CAMK1D: variants seen among roughly 807,000 people sequenced by gnomAD.
The protein encoded by CAMK1D is calcium/calmodulin-dependent protein kinase type 1D.
In CAMK1D, 9 loss-of-function variants were observed where a neutral mutation model predicts 47.7. That is an observed-to-expected ratio of 0.19 (90% CI 0.11 to 0.33). The LOEUF (loss-of-function observed/expected upper bound fraction) is 0.33, where lower values mean the gene tolerates loss of function less well. Among genes scored for constraint, CAMK1D ranks in the 10% least tolerant of loss-of-function variants. The pLI, the probability that CAMK1D is intolerant of heterozygous loss-of-function variation, is 1.00. For synonymous variants in CAMK1D, 184 were observed against 184.9 expected (o/e 0.99, Z 0.04); for missense variants, 291 against 488.7 (o/e 0.60, Z 3.81).
intron 3 of CAMK1D, among the ~76,000 whole-genome samples, chr10:12,685,375 A>G (rs756983553): frequency 6.6e-6 from 1 of 152,230 alleles, no homozygotes; most frequent in Non-Finnish European, 1.5e-5. Flanking sequence ...TTAGTTGTAG[A>G]TAAGTGTTAG....
intron 1 of CAMK1D, among the ~76,000 whole-genome samples, chr10:12,529,516 T>C (rs1304863169): frequency 6.6e-6 from 1 of 152,206 alleles, no homozygotes; most frequent in Non-Finnish European, 1.5e-5. Context: ...ACCCTCCTTA[T>C]GAATCTGTAT....
chr10:12,560,445 CG>C (rs1285566113), intron 2 of CAMK1D, among the ~76,000 whole-genome samples: 3 of 150,996 alleles, frequency 2.0e-5, no homozygotes, highest in African/African-American at 4.9e-5. Context: ...CTCAGCTACT[CG>C]GGAGCCTGAG....
chr10:12,367,343 T>G (rs1837866995), intron 1 of CAMK1D, among the ~76,000 whole-genome samples: 1 of 152,114 alleles, frequency 6.6e-6, no homozygotes, highest in African/African-American at 2.4e-5. Context: ...GTCCTCAATC[T>G]TTTTGGCACC....
At chr10:12,636,530 G>A (rs1839515996) in intron 2 of CAMK1D, among the ~76,000 whole-genome samples, 1 of 152,118 alleles carries the variant, frequency 6.6e-6, no homozygotes, top group Admixed American at 6.5e-5. Context: ...GTCTCACTCT[G>A]TTGCCCAGGC....
At chr10:12,390,542 A>T in intron 1 of CAMK1D, among the ~76,000 whole-genome samples, 1 of 152,180 alleles carries the variant, frequency 6.6e-6, no homozygotes, top group East Asian at 1.9e-4. Context: ...GTTAAGCCCC[A>T]TTATTCAAGA....
At chr10:12,407,402 T>C (rs1839476531) in intron 1 of CAMK1D, among the ~76,000 whole-genome samples, 2 of 152,246 alleles carry the variant, frequency 1.3e-5, no homozygotes, top group East Asian at 3.8e-4. Flanking sequence ...TACCTCAAGC[T>C]AGAAGTTTCC....
At chr10:12,515,063 A>T (rs930824594) in intron 1 of CAMK1D, among the ~76,000 whole-genome samples, 1 of 151,276 alleles carries the variant, frequency 6.6e-6, no homozygotes, top group East Asian at 1.9e-4. Context: ...GGGTTTCGCC[A>T]TGTTGGCCAG....
At chr10:12,686,257 C>A (rs531661285) in intron 3 of CAMK1D, among the ~76,000 whole-genome samples, 1 of 152,072 alleles carries the variant, frequency 6.6e-6, no homozygotes, top group Non-Finnish European at 1.5e-5. Flanking sequence ...GGAACGATTG[C>A]GAAGATATGA....
At chr10:12,609,424 A>G (rs1368352038) in intron 2 of CAMK1D, among the ~76,000 whole-genome samples, 1 of 152,232 alleles carries the variant, frequency 6.6e-6, no homozygotes, top group African/African-American at 2.4e-5. Context: ...ATTGGAATAC[A>G]TAATAAAATA....
At chr10:12,797,760 C>A (rs1176541871) in intron 6 of CAMK1D, among the ~76,000 whole-genome samples, 1 of 152,112 alleles carries the variant, frequency 6.6e-6, no homozygotes, top group Non-Finnish European at 1.5e-5. Context: ...TGCTAAATGC[C>A]ACCTGTGGGT....
intron 1 of CAMK1D, among the ~76,000 whole-genome samples, chr10:12,359,763 C>G (rs1192440287): frequency 2.0e-5 from 3 of 152,182 alleles, no homozygotes; most frequent in African/African-American, 7.2e-5. Flanking sequence ...CTTACAGTGT[C>G]TAACCATCAT....
chr10:12,789,297 C>T (rs3000758), intron 5 of CAMK1D, among the ~76,000 whole-genome samples: 11,685 of 152,272 alleles, frequency 0.077, 1,465 homozygotes, highest in African/African-American at 0.26. Flanking sequence ...TCTTCTTCCA[C>T]TGTGGCCCAG....
chr10:12,490,376 A>G (rs1379218558), intron 1 of CAMK1D, among the ~76,000 whole-genome samples: 1 of 152,102 alleles, frequency 6.6e-6, no homozygotes, highest in Admixed American at 6.5e-5. Context: ...TGGAGGGGGA[A>G]CTGGGGGACT....
chr10:12,689,526 C>T (rs1832790443), intron 3 of CAMK1D, among the ~76,000 whole-genome samples: 1 of 152,098 alleles, frequency 6.6e-6, no homozygotes, highest in African/African-American at 2.4e-5. Flanking sequence ...CCTGTAATCC[C>T]AGCACTTTGG....
At chr10:12,677,350 C>CA (rs1196312878) in intron 3 of CAMK1D, among the ~76,000 whole-genome samples, 4 of 151,858 alleles carry the variant, frequency 2.6e-5, no homozygotes, top group Non-Finnish European at 5.9e-5. Flanking sequence ...TATAAATTAC[C>CA]AAAATCTTAT....
intron 1 of CAMK1D, among the ~76,000 whole-genome samples, chr10:12,367,085 C>T (rs567031173): frequency 6.6e-6 from 1 of 152,210 alleles, no homozygotes; most frequent in East Asian, 1.9e-4. Context: ...GACCTGACGC[C>T]ACAGACTTCC....
chr10:12,694,827 A>G (rs1420910734), intron 3 of CAMK1D, among the ~76,000 whole-genome samples: 2 of 151,862 alleles, frequency 1.3e-5, no homozygotes, highest in African/African-American at 2.4e-5. Context: ...GCAACACTGG[A>G]TACAGAAAAC....
At chr10:12,630,769 C>T (rs887404392) in intron 2 of CAMK1D, among the ~76,000 whole-genome samples, 5 of 152,046 alleles carry the variant, frequency 3.3e-5, no homozygotes, top group East Asian at 3.9e-4. Context: ...TGTGACCTCA[C>T]GTCCTCCGTA....
At chr10:12,718,614 G>T (rs531944616) in intron 3 of CAMK1D, among the ~76,000 whole-genome samples, 1 of 152,130 alleles carries the variant, frequency 6.6e-6, no homozygotes, top group African/African-American at 2.4e-5. Flanking sequence ...TCAGAGTTTC[G>T]AGCTGAAGTT....
Sources: gnomAD v4.1 joint callset for allele counts (sites outside exome capture counted in the v4.1 genomes callset) on GRCh38, gnomAD v4.1.1 for gene constraint, MANE v1.5 for transcripts, NCBI Gene and HGNC (gene_info 2026-07-23, HGNC 2026-07-21) for gene names.